RPS6KA2: variants seen among roughly 807,000 people sequenced by gnomAD.
The protein encoded by RPS6KA2 is ribosomal protein S6 kinase A2.
Under a neutral mutation model 91.8 loss-of-function variants are expected in RPS6KA2, and 42 were observed. That is an observed-to-expected ratio of 0.46 (90% CI 0.36 to 0.59). The LOEUF is 0.59. Ranked by LOEUF, RPS6KA2 falls within the 20% of genes least tolerant of loss-of-function variation. RPS6KA2 has a pLI of 0.00. For missense variants in RPS6KA2, 798 were observed against 978.5 expected, an observed-to-expected ratio of 0.82 and a Z score of 2.46; for synonymous variants, 414 against 393.6, an observed-to-expected ratio of 1.05 and a Z score of -0.61.
intron 2 of RPS6KA2, among the ~76,000 whole-genome samples, chr6:166,853,510 G>A (rs538558129): frequency 6.6e-6 from 1 of 152,182 alleles, no homozygotes; most frequent in Non-Finnish European, 1.5e-5. Flanking sequence ...CATTGAAGCT[G>A]GCTCTCCTCC....
At chr6:166,456,684 C>G (rs1371180000) in intron 12 of RPS6KA2, among the ~76,000 whole-genome samples, 2 of 152,238 alleles carry the variant, frequency 1.3e-5, no homozygotes, top group East Asian at 3.8e-4. Flanking sequence ...CACATTTCTA[C>G]AGCTGCTCAT....
chr6:166,609,493 T>C (rs1160549399), intron 1 of RPS6KA2, among the ~76,000 whole-genome samples: 1 of 149,404 alleles, frequency 6.7e-6, no homozygotes, highest in Non-Finnish European at 1.5e-5. Flanking sequence ...TATACTGAAT[T>C]ATCAAAAGTT....
At chr6:166,517,455 GTTTTTTTTTT>G (rs71032809) in intron 3 of RPS6KA2, among the ~76,000 whole-genome samples, 3 of 104,938 alleles carry the variant, frequency 2.9e-5, no homozygotes, top group African/African-American at 1.3e-4. Flanking sequence ...CTTTTGTTTT[GTTTTTTTTTT>G]TTTTTTTTTT....
intron 1 of RPS6KA2, among the ~76,000 whole-genome samples, chr6:166,571,059 T>C (rs1207625629): frequency 6.6e-6 from 1 of 152,190 alleles, no homozygotes; most frequent in Non-Finnish European, 1.5e-5. Flanking sequence ...TGCTAAACCA[T>C]GCTGTGAATC....
chr6:166,861,985 A>G, intron 1 of RPS6KA2: 1 of 1,275,900 alleles, frequency 7.8e-7, no homozygotes, highest in South Asian at 1.2e-5. Context: ...TGGATAGCCA[A>G]CTCTCTGACC....
chr6:166,687,319 G>A (rs1480483035), intron 2 of RPS6KA2, among the ~76,000 whole-genome samples: 1 of 152,232 alleles, frequency 6.6e-6, no homozygotes, highest in East Asian at 1.9e-4. Context: ...ACACACAGCT[G>A]TAGTCTGCAC....
intron 2 of RPS6KA2, among the ~76,000 whole-genome samples, chr6:166,762,423 C>T (rs9347154): frequency 0.071 from 10,759 of 152,190 alleles, 630 homozygotes; most frequent in East Asian, 0.24. Flanking sequence ...AAACGGAGGA[C>T]GGAATATGAA....
intron 10 of RPS6KA2, among the ~76,000 whole-genome samples, chr6:166,485,054 G>A (rs377656532): frequency 1.6e-4 from 24 of 152,194 alleles, no homozygotes; most frequent in East Asian, 1.5e-3. Flanking sequence ...TTAGAAATCC[G>A]CCCAGGCAGG....
Position 166,477,555 on chromosome 6 carries a change from T to G in RPS6KA2, c.908-7650A>C, listed in dbSNP as rs1181511391. 7.2e-5 allele frequency among the ~76,000 whole-genome samples: 11 copies of G among 152,336 alleles called. No individual in the cohort carries two copies. In the East Asian group the frequency reaches 2.1e-3, roughly 29 times the overall value. On this transcript the variant is annotated intron_variant, in intron 10 of 20. Coordinates refer to ENST00000265678, the MANE Select transcript of RPS6KA2 (RefSeq NM_021135.6). Reference sequence around the variant, plus strand: ...GAAAAAGTACAAACACCCCAATACTTTGTCACATTCACCCAATTTACTGTA... The same window carrying G: ...GAAAAAGTACAAACACCCCAATACTGTGTCACATTCACCCAATTTACTGTA...
intron 2 of RPS6KA2, among the ~76,000 whole-genome samples, chr6:166,687,759 G>A (rs550640225): frequency 7.2e-5 from 11 of 152,360 alleles, no homozygotes; most frequent in Non-Finnish European, 1.3e-4. Context: ...GCAGCATTGC[G>A]TCGGCGGCTC....
intron 17 of RPS6KA2, among the ~76,000 whole-genome samples, chr6:166,422,927 A>G (rs1220518366): frequency 1.3e-5 from 2 of 152,204 alleles, no homozygotes; most frequent in Admixed American, 6.5e-5. Flanking sequence ...TCCTGGTTGT[A>G]TAAGGAGACT....
chr6:166,616,574 G>A (rs916388), intron 1 of RPS6KA2, among the ~76,000 whole-genome samples: 49,701 of 152,118 alleles, frequency 0.33, 8,408 homozygotes, highest in East Asian at 0.41. Context: ...TCAAGAGAGG[G>A]AGATGAACAT....
chr6:166,449,826 A>G (rs71553127), intron 13 of RPS6KA2, among the ~76,000 whole-genome samples: 21,643 of 128,364 alleles, frequency 0.17, 1,619 homozygotes, highest in Admixed American at 0.22. Context: ...GAACCACCAC[A>G]GGGACCACCA....
intron 1 of RPS6KA2, among the ~76,000 whole-genome samples, chr6:166,623,782 C>T (rs1348452364): frequency 2.0e-5 from 3 of 152,126 alleles, no homozygotes; most frequent in Non-Finnish European, 4.4e-5. Flanking sequence ...TGGAAGATAC[C>T]CAGTTTTCCT....
chr6:166,774,058 A>G (rs1002516863), intron 2 of RPS6KA2, among the ~76,000 whole-genome samples: 4 of 152,182 alleles, frequency 2.6e-5, no homozygotes, highest in Non-Finnish European at 5.9e-5. Flanking sequence ...TTTTAAGTCT[A>G]GAAAGTGACC....
chr6:166,607,560 A>G (rs576460105), intron 1 of RPS6KA2, among the ~76,000 whole-genome samples: 18 of 152,310 alleles, frequency 1.2e-4, no homozygotes, highest in African/African-American at 4.1e-4. Flanking sequence ...TATATGAAAT[A>G]CCCAGAATAG....
At chr6:166,668,294 G>A (rs1361833289) in intron 2 of RPS6KA2, among the ~76,000 whole-genome samples, 1 of 152,146 alleles carries the variant, frequency 6.6e-6, no homozygotes, top group Non-Finnish European at 1.5e-5. Context: ...CTTGTGTGGG[G>A]CCCTTGGCAC....
At chr6:166,473,287 C>T (rs1241647798) in intron 10 of RPS6KA2, among the ~76,000 whole-genome samples, 1 of 151,974 alleles carries the variant, frequency 6.6e-6, no homozygotes, top group African/African-American at 2.4e-5. Context: ...ATTTCCTGGG[C>T]TCAGGTGATC....
At chr6:166,559,669 C>G (rs1489745676) in intron 1 of RPS6KA2, among the ~76,000 whole-genome samples, 1 of 152,124 alleles carries the variant, frequency 6.6e-6, no homozygotes, top group East Asian at 1.9e-4. Flanking sequence ...TATGGTCTGG[C>G]CTTAGAGTTT....
Sources: allele counts gnomAD v4.1 joint callset (sites outside exome capture counted in the v4.1 genomes callset), GRCh38; gene constraint gnomAD v4.1.1; transcripts MANE v1.5; gene names NCBI Gene and HGNC (gene_info 2026-07-23, HGNC 2026-07-21).